TEX11: variants seen among roughly 807,000 people sequenced by gnomAD.
The protein encoded by TEX11 is testis expressed 11.
Under a neutral mutation model 84.4 loss-of-function variants are expected in TEX11, and 7 were observed. The ratio of observed to expected loss-of-function variants is 0.08; its 90% CI spans 0.05 to 0.16. TEX11 has a LOEUF of 0.16. Among genes scored for constraint, TEX11 ranks in the 10% least tolerant of loss-of-function variants. TEX11 has a pLI of 1.00. For synonymous variants in TEX11, 264 were observed against 222.8 expected, an observed-to-expected ratio of 1.18 and a Z score of -1.64; for missense variants, 551 against 660.5, an observed-to-expected ratio of 0.83 and a Z score of 1.82.
chrX:70,748,015 G>A (rs1208260683), intron 9 of TEX11, among the ~76,000 whole-genome samples: 7 of 109,838 alleles, frequency 6.4e-5, no homozygotes, highest in South Asian at 7.7e-4. Flanking sequence ...AACCTGAAGA[G>A]CAATAGAAAC....
At chrX:70,689,696 A>C (rs1035733864) in intron 13 of TEX11, among the ~76,000 whole-genome samples, 1 of 112,170 alleles carries the variant, frequency 8.9e-6, no homozygotes, top group Non-Finnish European at 1.9e-5. Context: ...TATTGATATA[A>C]AAATGGTTGA....
Position 70,529,192 on chromosome X carries a change from G to A in TEX11, c.2686-5C>T. ...CTGACTATACAGCATATTCATCTGG[G>A]AAAGAGAACAACAAATAGATTTCTT... On this transcript the variant is annotated splice_polypyrimidine_tract_variant and splice_region_variant and intron_variant, in intron 29 of 29. Transcript: ENST00000374333. 1 of 1,185,409 alleles carries A rather than the reference G, an allele frequency of 8.4e-7. No homozygotes were observed. Among genetic ancestry groups the A allele is most frequent in the South Asian group, 1.8e-5 (1 of 55,076 alleles).
At chrX:70,857,736 T>C (rs1319268540) in intron 5 of TEX11, among the ~76,000 whole-genome samples, 1 of 111,926 alleles carries the variant, frequency 8.9e-6, no homozygotes, top group Non-Finnish European at 1.9e-5. Flanking sequence ...CGAATCTTCT[T>C]TTAGTGACTA....
chrX:70,525,683 A>G (rs1426964753), downstream of TEX11, among the ~76,000 whole-genome samples: 2 of 111,931 alleles, frequency 1.8e-5, no homozygotes, highest in Non-Finnish European at 3.8e-5. Flanking sequence ...CTTAAAGACT[A>G]TTGAGGGAAA....
intron 16 of TEX11, among the ~76,000 whole-genome samples, chrX:70,668,513 C>G (rs1000684470): frequency 8.9e-6 from 1 of 112,239 alleles, no homozygotes; most frequent in African/African-American, 3.2e-5. Context: ...AATATACTAA[C>G]AGTAACCAAC....
At chrX:70,622,422 T>C (rs993203051) in intron 20 of TEX11, among the ~76,000 whole-genome samples, 8 of 112,026 alleles carry the variant, frequency 7.1e-5, no homozygotes, top group Non-Finnish European at 1.3e-4. Flanking sequence ...CATTTCCCAA[T>C]TGGTTTTAAT....
intron 15 of TEX11, among the ~76,000 whole-genome samples, chrX:70,671,910 T>TAGAC (rs57166359): frequency 1.5e-5 from 1 of 67,983 alleles, no homozygotes; most frequent in Non-Finnish European, 2.8e-5. Flanking sequence ...TATATATATA[T>TAGAC]ACACACACAC....
intron 7 of TEX11, among the ~76,000 whole-genome samples, chrX:70,851,421 T>C: frequency 8.9e-6 from 1 of 111,777 alleles, no homozygotes; most frequent in Non-Finnish European, 1.9e-5. Context: ...AGACCACTAC[T>C]TCACATTATA....
intron 25 of TEX11, among the ~76,000 whole-genome samples, chrX:70,555,799 T>C (rs531396647): frequency 8.9e-6 from 1 of 112,388 alleles, no homozygotes. Flanking sequence ...GTTGGAAGAT[T>C]TTAAACTATG....
At chrX:70,551,687 T>C (rs1472258168) in intron 28 of TEX11, among the ~76,000 whole-genome samples, 3 of 111,601 alleles carry the variant, frequency 2.7e-5, no homozygotes, top group Middle Eastern at 8.5e-3. Context: ...TTAAAACAAC[T>C]GAATAAACCT....
chrX:70,524,524 A>T (rs922813199), downstream of TEX11, among the ~76,000 whole-genome samples: 3 of 112,708 alleles, frequency 2.7e-5, no homozygotes, highest in Non-Finnish European at 5.6e-5. Flanking sequence ...TGGCAAGAGC[A>T]ATTTATTAGT....
chrX:70,533,482 ATAGT>A (rs1369685338), intron 28 of TEX11, among the ~76,000 whole-genome samples: 1 of 111,892 alleles, frequency 8.9e-6, no homozygotes, highest in Non-Finnish European at 1.9e-5. Flanking sequence ...GGAAATGTTC[ATAGT>A]TGGGTGGTAA....
At chrX:70,870,142 A>C (rs187840494) in intron 4 of TEX11, among the ~76,000 whole-genome samples, 1 of 111,793 alleles carries the variant, frequency 8.9e-6, no homozygotes, top group African/African-American at 3.2e-5. Context: ...ATACCCTCTG[A>C]CATTTATAAA....
chrX:70,611,941 G>C (rs984274426), intron 20 of TEX11, among the ~76,000 whole-genome samples: 3 of 111,126 alleles, frequency 2.7e-5, no homozygotes, highest in Non-Finnish European at 5.7e-5. Context: ...TTTGAGACTA[G>C]TCTGGGCAAC....
chrX:70,860,711 T>C (rs1224308017), intron 5 of TEX11, 146 bp downstream of exon 5: 1 of 427,704 alleles, frequency 2.3e-6, no homozygotes, highest in Non-Finnish European at 4.0e-6. Context: ...TATACCATTA[T>C]AAAAGGAACA....
At chrX:70,761,682 C>A (rs1188894288) in intron 9 of TEX11, among the ~76,000 whole-genome samples, 1 of 111,670 alleles carries the variant, frequency 9.0e-6, no homozygotes, top group Non-Finnish European at 1.9e-5. Context: ...ATGTAACAAA[C>A]CTGCATGTTG....
At chrX:70,745,248 C>T (rs1370867645) in intron 9 of TEX11, among the ~76,000 whole-genome samples, 1 of 109,828 alleles carries the variant, frequency 9.1e-6, no homozygotes, top group African/African-American at 3.3e-5. Context: ...ATTATCAAAC[C>T]ATATTATCTA....
At chrX:70,881,689 C>G (rs2091684135) in intron 2 of TEX11, among the ~76,000 whole-genome samples, 1 of 110,810 alleles carries the variant, frequency 9.0e-6, no homozygotes, top group Non-Finnish European at 1.9e-5. Flanking sequence ...ATCAAAATAT[C>G]TCATGTATCC....
chrX:70,541,930 T>G (rs999288901), intron 28 of TEX11, among the ~76,000 whole-genome samples: 1 of 112,107 alleles, frequency 8.9e-6, no homozygotes, highest in African/African-American at 3.2e-5. Context: ...GATAGGTTTG[T>G]CTGCTTAAGC....
Sources: allele counts gnomAD v4.1 joint callset (sites outside exome capture counted in the v4.1 genomes callset), GRCh38; gene constraint gnomAD v4.1.1; transcripts MANE v1.5; gene names NCBI Gene and HGNC (gene_info 2026-07-23, HGNC 2026-07-21).